The following ERO1A variants were observed in gnomAD, a reference collection of about 807,000 sequenced individuals.
The protein encoded by ERO1A is ERO1-like protein alpha.
ERO1A carries 49 observed loss-of-function variants against 76.9 expected under a neutral mutation model. The ratio of observed to expected loss-of-function variants is 0.64; its 90% CI spans 0.51 to 0.81. ERO1A has a LOEUF of 0.81. Ranked by LOEUF, ERO1A falls within the 30% of genes least tolerant of loss-of-function variation. The pLI, the probability that ERO1A is intolerant of heterozygous loss-of-function variation, is 0.00. For synonymous variants in ERO1A, 174 were observed against 181.2 expected, an observed-to-expected ratio of 0.96 and a Z score of 0.32; for missense variants, 448 against 542.1, an observed-to-expected ratio of 0.83 and a Z score of 1.72.
chr14:52,657,574 C>A (rs554238540), intron 11 of ERO1A, among the ~76,000 whole-genome samples: 8 of 152,276 alleles, frequency 5.3e-5, no homozygotes, highest in Middle Eastern at 3.4e-3. Context: ...AGGCCTGATA[C>A]GAGCACACAA....
chr14:52,649,260 A>T (rs2039771902), intron 13 of ERO1A, among the ~76,000 whole-genome samples: 1 of 152,208 alleles, frequency 6.6e-6, no homozygotes, highest in Non-Finnish European at 1.5e-5. Context: ...TCTTCAAATG[A>T]GATCGTATTC....
rs1225812208 is a variant in ERO1A at position 52,642,495 on chromosome 14, G to GTATT, written c.*1071_*1074dup. The GTATT allele has an allele frequency of 2.6e-5, 4 of 152,080 alleles. No individual in the cohort carries two copies. Among genetic ancestry groups the GTATT allele is most frequent in the Non-Finnish European group, 5.9e-5 (4 of 68,022 alleles). The allele number at this position is 152,080 out of a possible 1,614,324, so 9.4% of individuals were successfully genotyped here. A position where few individuals can be genotyped will look rare whatever the true frequency, so the allele number is the denominator to read the frequency against. ...AGTATTATTTATTCTAAGGCTTACA[G>GTATT]TATTATAGTTCCAGAATTGTGGGAG... On this transcript the variant is annotated 3_prime_UTR_variant, in exon 16 of 16. Transcript: ENST00000395686.
At position 52,666,509 on chromosome 14, in the gene ERO1A, T is replaced by A. The variant is rs746436162; in HGVS notation, c.509-14A>T. 2 of 1,598,838 alleles carry A rather than the reference T, an allele frequency of 1.3e-6. No homozygotes were observed. Among genetic ancestry groups the A allele is most frequent in the Non-Finnish European group, 1.7e-6 (2 of 1,173,972 alleles). ...GGGACTGAATGTCTGTAAAATAAAA[T>A]GTCTTATTAAACCTTTCTTATCCTC... On this transcript the variant is annotated splice_polypyrimidine_tract_variant and intron_variant, in intron 6 of 15. Transcript: ENST00000395686.
At chr14:52,653,534 G>A (rs1164599114) in intron 11 of ERO1A, among the ~76,000 whole-genome samples, 5 of 151,674 alleles carry the variant, frequency 3.3e-5, no homozygotes, top group Non-Finnish European at 5.9e-5. Context: ...ATGTTTTACT[G>A]AGAAAGCAAG....
chr14:52,640,037 T>TAA lies in ERO1A; in HGVS notation c.*3531_*3532dup, dbSNP rs749227565. 5 of 152,190 alleles carry TAA rather than the reference T, an allele frequency of 3.3e-5. No individual in the cohort carries two copies. The highest frequency in any genetic ancestry group is 9.7e-5 in the African/African-American group (4 of 41,446). The allele number at this position is 152,190 out of a possible 1,614,324, so 9.4% of individuals were successfully genotyped here. A position where few individuals can be genotyped will look rare whatever the true frequency, so the allele number is the denominator to read the frequency against. On this transcript the variant is annotated 3_prime_UTR_variant, in exon 16 of 16. Transcript: ENST00000395686. ...AATATAGGTAGGACCTCTAATATAATAAAGATGTCACTTTAAAATCAATTT... is the reference window on the plus strand; with the variant it reads ...AATATAGGTAGGACCTCTAATATAATAAAAAGATGTCACTTTAAAATCAATTT...
chr14:52,678,922 G>A (rs1029580108), intron 3 of ERO1A, among the ~76,000 whole-genome samples: 2 of 152,118 alleles, frequency 1.3e-5, no homozygotes, highest in African/African-American at 2.4e-5. Flanking sequence ...CTCATGAACC[G>A]CTTGGTGCCA....
intron 1 of ERO1A, 141 bp from the exon 2 acceptor site, chr14:52,684,048 G>A (rs545407078): frequency 1.8e-6 from 1 of 555,746 alleles, no homozygotes; most frequent in Non-Finnish European, 3.2e-6. Flanking sequence ...TTGAGATGGG[G>A]TATGACAATA....
intron 13 of ERO1A, chr14:52,646,670 A>G (rs2139622972): frequency 2.2e-6 from 1 of 449,998 alleles, no homozygotes; most frequent in South Asian, 5.1e-5. Context: ...GGTAGTTATT[A>G]TTATAATCTA....
intron 13 of ERO1A, among the ~76,000 whole-genome samples, chr14:52,649,780 C>G (rs960640152): frequency 2.6e-5 from 4 of 152,004 alleles, no homozygotes; most frequent in Admixed American, 2.6e-4. Context: ...GTATTTGTAG[C>G]AAGAATGCTT....
At chr14:52,680,682 A>C (rs1382021691) in intron 3 of ERO1A, among the ~76,000 whole-genome samples, 1 of 152,232 alleles carries the variant, frequency 6.6e-6, no homozygotes, top group African/African-American at 2.4e-5. Context: ...CAAAACTTAG[A>C]ATACAAAATG....
In ERO1A at chr14:52,655,849, C is replaced by T. The variant is rs115568835; in HGVS notation, c.808+2068G>A. Among the ~76,000 whole-genome samples, 392 of 152,090 alleles carry T rather than the reference C, an allele frequency of 2.6e-3. 2 individuals carry two copies. The highest frequency in any genetic ancestry group is 9.1e-3 in the African/African-American group (376 of 41,494). On this transcript the variant is annotated intron_variant, in intron 11 of 15. Coordinates refer to ENST00000395686, the MANE Select transcript of ERO1A (RefSeq NM_014584.3). ...TGGCCAGTCATAAGACCATAAGCAACGCCTGCCCTTTCAGTGGCTTTCATA... is the reference window on the plus strand; with the variant it reads ...TGGCCAGTCATAAGACCATAAGCAATGCCTGCCCTTTCAGTGGCTTTCATA...
chr14:52,650,549 T>C (rs1465904150), intron 13 of ERO1A, among the ~76,000 whole-genome samples: 7 of 151,864 alleles, frequency 4.6e-5, no homozygotes, highest in African/African-American at 1.7e-4. Flanking sequence ...TATATATATA[T>C]GATTTCATAT....
At chr14:52,673,120 C>T (rs777117932) in intron 4 of ERO1A, among the ~76,000 whole-genome samples, 2 of 151,738 alleles carry the variant, frequency 1.3e-5, no homozygotes, top group Non-Finnish European at 2.9e-5. Context: ...GAAAGGGTCT[C>T]GCTCTGTCGC....
chr14:52,661,324 GT>G lies in ERO1A; in HGVS notation c.677-21del. ...TTGTCCCTGAAAAGCAAAACAAAAT[GT>G]TTATTAAAATAAATTCCTTCCAGTG... On this transcript the variant is annotated intron_variant, in intron 8 of 15. Coordinates refer to ENST00000395686, the MANE Select transcript of ERO1A (RefSeq NM_014584.3). 7.1e-7 allele frequency: 1 copy of G among 1,400,048 alleles called. No homozygotes were observed. The highest frequency in any genetic ancestry group is 9.5e-7 in the Non-Finnish European group (1 of 1,051,992). The allele number at this position is 1,400,048 out of a possible 1,614,324, so 86.7% of individuals were successfully genotyped here.
At chr14:52,656,861 G>C (rs749100947) in intron 11 of ERO1A, among the ~76,000 whole-genome samples, 2 of 152,116 alleles carry the variant, frequency 1.3e-5, no homozygotes, top group Non-Finnish European at 2.9e-5. Context: ...AGGAGTTCAA[G>C]ACCAGCCTGG....
intron 13 of ERO1A, among the ~76,000 whole-genome samples, chr14:52,651,213 A>C (rs2039855108): frequency 6.6e-6 from 1 of 152,090 alleles, no homozygotes; most frequent in African/African-American, 2.4e-5. Flanking sequence ...GCTTGAGCAC[A>C]GAATTTCAAG....
intron 1 of ERO1A, among the ~76,000 whole-genome samples, chr14:52,694,546 A>T (rs1482100796): frequency 1.3e-5 from 2 of 152,116 alleles, no homozygotes; most frequent in Non-Finnish European, 2.9e-5. Flanking sequence ...AATTTTGTAT[A>T]AAACGTAATT....
At chr14:52,660,304 G>A (rs866654875) in intron 9 of ERO1A, among the ~76,000 whole-genome samples, 4 of 152,098 alleles carry the variant, frequency 2.6e-5, no homozygotes, top group Non-Finnish European at 4.4e-5. Context: ...ACAGGTTAAC[G>A]ATCTATTTTT....
chr14:52,650,883 G>A (rs1353759634), intron 13 of ERO1A, among the ~76,000 whole-genome samples: 1 of 152,184 alleles, frequency 6.6e-6, no homozygotes, highest in Non-Finnish European at 1.5e-5. Context: ...TAAGAGGCAA[G>A]GCAATGACCA....
Sources: gnomAD v4.1 joint callset for allele counts (sites outside exome capture counted in the v4.1 genomes callset) on GRCh38, gnomAD v4.1.1 for gene constraint, MANE v1.5 for transcripts, NCBI Gene and HGNC (gene_info 2026-07-23, HGNC 2026-07-21) for gene names.